The following METAP2 variants were observed in gnomAD, a reference collection of about 807,000 sequenced individuals.
METAP2 encodes the protein methionyl aminopeptidase 2.
A neutral mutation model predicts 59.4 loss-of-function variants in METAP2; 25 were observed. That is an observed-to-expected ratio of 0.42 (90% confidence interval 0.31 to 0.59). The LOEUF (loss-of-function observed/expected upper bound fraction) is 0.59. METAP2 is among the 20% of genes least tolerant of loss of function. The pLI is 0.16. For synonymous variants in METAP2, 214 were observed against 194.1 expected, an observed-to-expected ratio of 1.10 and a Z score of -0.85; for missense variants, 366 against 581.2, an observed-to-expected ratio of 0.63 and a Z score of 3.81.
chr12:95,483,405 G>A (rs1281564559), intron 3 of METAP2, 125 bp downstream of exon 3: 1 of 628,416 alleles, frequency 1.6e-6, no homozygotes, highest in African/African-American at 1.9e-5. Context: ...GAACCCAAGA[G>A]ACGGAGATTG....
intron 7 of METAP2, among the ~76,000 whole-genome samples, chr12:95,498,315 AATTCTGTATAG>A (rs2076290432): frequency 6.6e-6 from 1 of 152,028 alleles, no homozygotes; most frequent in African/African-American, 2.4e-5. Context: ...GAGTTTTAGG[AATTCTGTATAG>A]ATTCTGGATG....
intron 2 of METAP2, among the ~76,000 whole-genome samples, chr12:95,480,846 A>T (rs1276497531): frequency 6.6e-6 from 1 of 152,204 alleles, no homozygotes; most frequent in Non-Finnish European, 1.5e-5. Flanking sequence ...TAATTTTGAT[A>T]AAGTCCAATC....
At chr12:95,509,844 A>C (rs867132117) in intron 8 of METAP2, among the ~76,000 whole-genome samples, 11,927 of 118,724 alleles carry the variant, frequency 0.1, 479 homozygotes, top group African/African-American at 0.13. Context: ...CCTCCCCCCC[A>C]ACCTTTTTTT....
At chr12:95,509,847 CTTT>C (rs1210964780) in intron 8 of METAP2, among the ~76,000 whole-genome samples, 14 of 131,622 alleles carry the variant, frequency 1.1e-4, no homozygotes, top group African/African-American at 2.3e-4. Context: ...CCCCCCCAAC[CTTT>C]TTTTTTTTTT....
At chr12:95,506,795 C>CTTAT (rs56755873) in intron 8 of METAP2, among the ~76,000 whole-genome samples, 2,066 of 147,314 alleles carry the variant, frequency 0.014, 26 homozygotes, top group South Asian at 0.035. Flanking sequence ...AAGCAGAATA[C>CTTAT]TTATTTATTT....
In METAP2 at chr12:95,513,090, TACACACACACACAC is replaced by T. The variant is rs60788079; in HGVS notation, c.1184+204_1184+217del. On this transcript the variant is annotated intron_variant, in intron 10 of 10. Transcript: ENST00000323666. ...TAAACATTTTAACTGAGATAAAAAT[TACACACACACACAC>T]ACACACACACACACACACACACACA... Among the ~76,000 whole-genome samples, 125 of 136,178 alleles carry T rather than the reference TACACACACACACAC, an allele frequency of 9.2e-4. No individual in the cohort carries two copies. The South Asian group carries it at 0.01, about 11-fold the overall frequency. 89.3% of individuals were successfully genotyped at this position (136,178 alleles called of 152,430 possible).
At chr12:95,512,703 T>A (rs1016434220) in intron 9 of METAP2, 98 bp from the exon 10 acceptor site, 11 of 687,232 alleles carry the variant, frequency 1.6e-5, no homozygotes, top group African/African-American at 1.3e-4. Context: ...AGAGAGAGAC[T>A]CTGTCTCAAA....
intron 4 of METAP2, among the ~76,000 whole-genome samples, chr12:95,487,190 A>G (rs1405830127): frequency 6.6e-6 from 1 of 152,228 alleles, no homozygotes; most frequent in Non-Finnish European, 1.5e-5. Flanking sequence ...AATATTTATA[A>G]TACCATGGAC....
intron 3 of METAP2, 35 bp downstream of exon 3, chr12:95,483,315 A>ATT (rs767372843): frequency 1.3e-6 from 2 of 1,525,512 alleles, no homozygotes; most frequent in African/African-American, 2.7e-5. Context: ...TTGATATATT[A>ATT]GAAGTGTTTA....
At chr12:95,488,016 C>T (rs2076210171) in intron 4 of METAP2, among the ~76,000 whole-genome samples, 1 of 152,164 alleles carries the variant, frequency 6.6e-6, no homozygotes, top group East Asian at 1.9e-4. Context: ...CTCTCTTTCT[C>T]ATGTACTGGT....
chr12:95,497,969 T>C (rs572727767), intron 7 of METAP2, among the ~76,000 whole-genome samples: 4 of 144,474 alleles, frequency 2.8e-5, no homozygotes, highest in South Asian at 2.3e-4. Context: ...CTACTAAAAA[T>C]ACCAAAAAAA....
At chr12:95,508,325 C>A (rs1434462542) in intron 8 of METAP2, among the ~76,000 whole-genome samples, 2 of 152,098 alleles carry the variant, frequency 1.3e-5, no homozygotes, top group Non-Finnish European at 2.9e-5. Flanking sequence ...TAGCTTAGAA[C>A]CAGTTTTAGG....
intron 4 of METAP2, among the ~76,000 whole-genome samples, chr12:95,492,863 A>G (rs301044): frequency 0.078 from 11,848 of 152,286 alleles, 657 homozygotes; most frequent in Non-Finnish European, 0.12. Context: ...TTCAAAGGGC[A>G]TATAGTGAAT....
At position 95,476,164 on chromosome 12, in the gene METAP2, A is replaced by T. The variant is rs184726541; in HGVS notation, c.245A>T (p.Asp82Val). 6.3e-7 allele frequency: 1 copy of T among 1,594,670 alleles called. No individual in the cohort carries two copies. The highest frequency in any genetic ancestry group is 1.3e-5 in the African/African-American group (1 of 74,426). Residue 82 changes from aspartate to valine, a missense_variant, in exon 2 of 11, where the codon GAT (aspartate) becomes GTT (valine). Physicochemically the swap from Asp to Val is radical, Grantham distance 152. Transcript: ENST00000323666. ...TCAGCATTGGAAGATAAAGAAAGAG[A>T]TGAAGATGATGAAGGTAAATGGTTA... is the stretch of plus-strand genomic sequence containing the variant. ...ERSALEDKERDEDDEDGDGDG... is the reference protein window; with the variant it reads ...ERSALEDKERVEDDEDGDGDG...
At chr12:95,475,719 T>C (rs1247019814) in intron 1 of METAP2, among the ~76,000 whole-genome samples, 1 of 152,224 alleles carries the variant, frequency 6.6e-6, no homozygotes, top group African/African-American at 2.4e-5. Context: ...TGAATCTTTT[T>C]CCTAAGGCCT....
At chr12:95,489,989 C>T (rs1171751179) in intron 4 of METAP2, among the ~76,000 whole-genome samples, 2 of 152,136 alleles carry the variant, frequency 1.3e-5, no homozygotes, top group Non-Finnish European at 2.9e-5. Context: ...TGAAATACAA[C>T]AAGTATGCAT....
rs1258491927 is a variant in METAP2, at chr12:95,474,314, C to T, written c.135C>T (p.Ser45=). The change falls in exon 1 of 11, where the codon AGC becomes AGT. Residue 45 remains serine (S), a synonymous_variant. Coordinates refer to ENST00000323666, the MANE Select transcript of METAP2 (RefSeq NM_006838.4). ...AKKKRRKKKK[S]KGPSAAGEQE... ...AAAAAAGACGAAAGAAGAAGAAGAGCAAAGGGCCTTCTGCAGGTAAAGAGA... is the reference window on the plus strand; with the variant it reads ...AAAAAAGACGAAAGAAGAAGAAGAGTAAAGGGCCTTCTGCAGGTAAAGAGA... 1 of 1,613,964 alleles carries T rather than the reference C, an allele frequency of 6.2e-7. No individual in the cohort carries two copies. Among genetic ancestry groups the T allele is most frequent in the Non-Finnish European group, 8.5e-7 (1 of 1,180,008 alleles).
chr12:95,501,387 A>T (rs890088035), intron 7 of METAP2, among the ~76,000 whole-genome samples: 3 of 152,224 alleles, frequency 2.0e-5, no homozygotes, highest in African/African-American at 7.2e-5. Flanking sequence ...ATATGGAATT[A>T]TAAACCAAAG....
At chr12:95,486,537 G>A (rs2076198133) in intron 4 of METAP2, among the ~76,000 whole-genome samples, 1 of 149,086 alleles carries the variant, frequency 6.7e-6, no homozygotes, top group South Asian at 2.1e-4. Context: ...CACTCTTGTT[G>A]CCTAGGCTGG....
Sources: allele counts gnomAD v4.1 joint callset (sites outside exome capture counted in the v4.1 genomes callset), GRCh38; gene constraint gnomAD v4.1.1; transcripts MANE v1.5; gene names NCBI Gene and HGNC (gene_info 2026-07-23, HGNC 2026-07-21).